VPS13D: variants seen among roughly 807,000 people sequenced by gnomAD.
VPS13D encodes intermembrane lipid transfer protein VPS13D.
In VPS13D, 187 loss-of-function variants were observed where a neutral mutation model predicts 461.9. The ratio of observed to expected loss-of-function variants is 0.40; its 90% CI spans 0.36 to 0.46. The LOEUF is 0.46. VPS13D is among the 20% of genes least tolerant of loss of function. The pLI is 0.60. For missense variants in VPS13D, 4,711 were observed against 5,364.9 expected (o/e 0.88, Z 3.81); for synonymous variants, 1,951 against 1,986.3 (o/e 0.98, Z 0.47).
chr1:12,271,343 G>T (rs545010102), intron 17 of VPS13D, among the ~76,000 whole-genome samples: 112 of 152,288 alleles, frequency 7.4e-4, no homozygotes, highest in Admixed American at 3.9e-4. Context: ...TAGATTCTGT[G>T]TCTCCTTGCA....
chr1:12,282,980 G>A lies in VPS13D; in HGVS notation c.4878G>A (p.Glu1626=). The A allele has an allele frequency of 2.5e-6, 4 of 1,614,156 alleles. No individual in the cohort carries two copies. The highest frequency in any genetic ancestry group is 2.2e-5 in the South Asian group (2 of 91,088). ...TQIQATFCIS[E]LQVQLSGDLT... ...TTCAAGCCACCTTTTGTATATCAGAGCTTCAGGTTCAGCTAAGTGGAGATC... is the reference window on the plus strand; with the variant it reads ...TTCAAGCCACCTTTTGTATATCAGAACTTCAGGTTCAGCTAAGTGGAGATC... Residue 1626 remains glutamate, a synonymous_variant, in exon 21 of 70, where the codon GAG becomes GAA. Coordinates refer to ENST00000620676, the MANE Select transcript of VPS13D (RefSeq NM_015378.4).
At position 12,456,075 on chromosome 1, in the gene VPS13D, C is replaced by T; in HGVS notation, c.12411C>T (p.Tyr4137=). Residue 4137 remains tyrosine, a synonymous_variant, in exon 66 of 70, where the codon TAC becomes TAT. Coordinates refer to ENST00000620676, the MANE Select transcript of VPS13D (RefSeq NM_015378.4). The part of the protein sequence containing the change: ...RHQSEREYIR[Y]HAATSGEHLV... ...AGTCAGAGCGGGAGTACATCAGGTA[C>T]CATGCAGCCACAAGTGGTGAACACC... 6.2e-7 allele frequency: 1 copy of T among 1,613,880 alleles called. No individual in the cohort carries two copies. The highest frequency in any genetic ancestry group is 2.2e-5 in the East Asian group (1 of 44,860).
intron 30 of VPS13D, among the ~76,000 whole-genome samples, chr1:12,316,769 T>C (rs1312933732): frequency 1.3e-5 from 2 of 152,174 alleles, no homozygotes; most frequent in Non-Finnish European, 2.9e-5. Context: ...AGAGTCGCTT[T>C]TGGGCTTACG....
Position 12,249,558 on chromosome 1 carries a change from T to C in VPS13D, c.564+219T>C, listed in dbSNP as rs1416703084. 1.0e-5 allele frequency: 4 copies of C among 387,800 alleles called. No homozygotes were observed. The East Asian group carries it at 1.8e-4, about 17-fold the overall frequency. The allele number at this position is 387,800 out of a possible 1,614,324, so 24.0% of individuals were successfully genotyped here. On this transcript the variant is annotated intron_variant, in intron 6 of 69. Coordinates refer to ENST00000620676, the MANE Select transcript of VPS13D (RefSeq NM_015378.4). The stretch of plus-strand genomic sequence containing the variant: ...ACCTTTGGTTATATCACTTTCATTT[T>C]ATACATGAAGAAACTGAGGGGCAGA...
intron 10 of VPS13D, among the ~76,000 whole-genome samples, chr1:12,259,262 CAT>C: frequency 6.6e-6 from 1 of 151,710 alleles, no homozygotes; most frequent in East Asian, 1.9e-4. Flanking sequence ...GTGTTGAACT[CAT>C]GAGCTCAAGT....
At chr1:12,453,262 C>A (rs1645286231) in intron 65 of VPS13D, among the ~76,000 whole-genome samples, 1 of 152,064 alleles carries the variant, frequency 6.6e-6, no homozygotes, top group Non-Finnish European at 1.5e-5. Flanking sequence ...ATTATTCTCC[C>A]ATATTCTCTT....
chr1:12,284,362 T>A (rs1172330502), intron 21 of VPS13D, among the ~76,000 whole-genome samples: 1 of 152,234 alleles, frequency 6.6e-6, no homozygotes, highest in Non-Finnish European at 1.5e-5. Flanking sequence ...CTCCACACAG[T>A]GTGTGGCACA....
At chr1:12,443,930 C>A in intron 65 of VPS13D, among the ~76,000 whole-genome samples, 1 of 151,774 alleles carries the variant, frequency 6.6e-6, no homozygotes, top group Non-Finnish European at 1.5e-5. Flanking sequence ...ACTGCAACCT[C>A]CACCTCCTGG....
chr1:12,360,328 C>G (rs1360468602), intron 50 of VPS13D, among the ~76,000 whole-genome samples: 1 of 152,162 alleles, frequency 6.6e-6, no homozygotes, highest in African/African-American at 2.4e-5. Context: ...AACTCCCTAT[C>G]AGGAAAGTTT....
Position 12,329,845 on chromosome 1 carries a change from G to A in VPS13D, c.8214G>A (p.Gln2738=). ...TCATTGCAGGTCTGAATTTTCTTCA[G>A]CGTGTAAGAACTAGCCCTGAAGGCT... ...ELTFSRLNFL[Q]RVRTSPEGYA... Residue 2738 remains glutamine, a synonymous_variant, in exon 37 of 70, where the codon CAG becomes CAA. Transcript: ENST00000620676. The A allele has an allele frequency of 6.2e-7, 1 of 1,614,082 alleles. No individual in the cohort carries two copies. The highest frequency in any genetic ancestry group is 8.5e-7 in the Non-Finnish European group (1 of 1,179,992).
chr1:12,281,981 G>A (rs142216936), intron 20 of VPS13D, among the ~76,000 whole-genome samples: 18 of 151,678 alleles, frequency 1.2e-4, no homozygotes, highest in African/African-American at 4.4e-4. Context: ...TGCACCTCCT[G>A]GGCTCAAGCG....
chr1:12,383,202 AC>A, intron 58 of VPS13D, 47 bp downstream of exon 58: 1 of 1,534,582 alleles, frequency 6.5e-7, no homozygotes, highest in South Asian at 1.2e-5. Context: ...TACTTCCTCC[AC>A]CCCCAATGAT....
intron 65 of VPS13D, among the ~76,000 whole-genome samples, chr1:12,421,147 G>A (rs532718733): frequency 4.6e-5 from 7 of 152,106 alleles, no homozygotes; most frequent in South Asian, 2.1e-4. Flanking sequence ...ATCTCCCAAC[G>A]CTAGAAATCA....
At chr1:12,372,842 A>T (rs910255363) in intron 54 of VPS13D, among the ~76,000 whole-genome samples, 1 of 148,654 alleles carries the variant, frequency 6.7e-6, no homozygotes, top group Non-Finnish European at 1.5e-5. Context: ...TAATAGAAAG[A>T]GGAGAATAAT....
chr1:12,323,876 G>C, intron 35 of VPS13D, 96 bp downstream of exon 35: 1 of 1,302,006 alleles, frequency 7.7e-7, no homozygotes, highest in Non-Finnish European at 1.1e-6. Context: ...TTAGAGAGCT[G>C]AGTGTGTTTG....
At chr1:12,320,671 A>G (rs1256700984) in intron 32 of VPS13D, among the ~76,000 whole-genome samples, 4 of 152,218 alleles carry the variant, frequency 2.6e-5, no homozygotes, top group Non-Finnish European at 5.9e-5. Flanking sequence ...CTTCCAAGCC[A>G]CCACAATACT....
intron 67 of VPS13D, among the ~76,000 whole-genome samples, chr1:12,494,648 T>C (rs1645932265): frequency 6.6e-6 from 1 of 152,182 alleles, no homozygotes; most frequent in South Asian, 2.1e-4. Context: ...TCCCTCAGCT[T>C]TGAGTACTAA....
intron 67 of VPS13D, among the ~76,000 whole-genome samples, chr1:12,482,703 A>T (rs575839521): frequency 6.7e-6 from 1 of 148,688 alleles, no homozygotes; most frequent in Admixed American, 6.8e-5. Context: ...TGGTAACCCC[A>T]CCAGACATCT....
chr1:12,499,528 C>T, intron 68 of VPS13D: 1 of 985,310 alleles, frequency 1.0e-6, no homozygotes, highest in Non-Finnish European at 1.2e-6. Flanking sequence ...CAGTGAGATA[C>T]ACACATTGAA....
Sources: gnomAD v4.1 joint callset for allele counts (sites outside exome capture counted in the v4.1 genomes callset) on GRCh38, gnomAD v4.1.1 for gene constraint, MANE v1.5 for transcripts, NCBI Gene and HGNC (gene_info 2026-07-23, HGNC 2026-07-21) for gene names.